Variants in NOB1 observed in about 807,000 individuals in gnomAD.
NOB1 encodes RNA-binding protein NOB1.
In NOB1, 44 loss-of-function variants were observed where a neutral mutation model predicts 44.8. The ratio of observed to expected loss-of-function variants is 0.98; its 90% CI spans 0.77 to 1.26. The LOEUF is 1.26. NOB1 is among the 50% of genes most tolerant of loss of function. The probability of loss-of-function intolerance (pLI) is 0.00; values close to 1 mark genes in which losing one functional copy is unlikely to be tolerated. For synonymous variants in NOB1, 238 were observed against 218.7 expected, an observed-to-expected ratio of 1.09 and a Z score of -0.78; for missense variants, 560 against 544.8, an observed-to-expected ratio of 1.03 and a Z score of -0.28.
intron 7 of NOB1, 141 bp from the exon 8 acceptor site, chr16:69,745,158 C>G: frequency 1.2e-6 from 1 of 836,006 alleles, no homozygotes; most frequent in Non-Finnish European, 1.8e-6. Context: ...AGACGGAGGC[C>G]ACTGAAGCTG....
intron 8 of NOB1, among the ~76,000 whole-genome samples, chr16:69,744,538 C>G (rs546427134): frequency 6.6e-6 from 1 of 152,144 alleles, no homozygotes; most frequent in Non-Finnish European, 1.5e-5. Context: ...CCCTCTCTTC[C>G]GTGCTGTGCT....
chr16:69,752,464 CA>C, intron 2 of NOB1, 93 bp from the exon 3 acceptor site: 1 of 1,263,126 alleles, frequency 7.9e-7, no homozygotes, highest in East Asian at 2.4e-5. Flanking sequence ...TAGAACAGAT[CA>C]AAATAATGGA....
At position 69,754,856 on chromosome 16, in the gene NOB1, C is replaced by G; in HGVS notation, c.55G>C (p.Ala19Pro). Residue 19 changes from alanine to proline, a missense_variant, in exon 1 of 9, where the codon GCT becomes CCT. Ala to Pro is a conservative substitution (Grantham distance 27). Coordinates refer to ENST00000268802, the MANE Select transcript of NOB1 (RefSeq NM_014062.3). ...ADAGAFLRHA[A>P]LQDIGKNIYT... The stretch of plus-strand genomic sequence containing the variant: ...GAGGGAGCTCCCCGTACCTGCAGAG[C>G]CGCATGCCGCAGGAAAGCCCCAGCA... The G allele has an allele frequency of 6.3e-7, 1 of 1,598,808 alleles. No homozygotes were observed. Among genetic ancestry groups the G allele is most frequent in the Non-Finnish European group, 8.5e-7 (1 of 1,173,612 alleles).
At position 69,754,743 on chromosome 16, in the gene NOB1, C is replaced by T; in HGVS notation, c.64-17G>A. The stretch of plus-strand genomic sequence containing the variant: ...CCCGATGTCCTGCGGACAGAACGCC[C>T]CAGCTCAGACCCACCCGCACCAAGC... On this transcript the variant is annotated splice_polypyrimidine_tract_variant and intron_variant, in intron 1 of 8. Transcript: ENST00000268802. 1 of 1,613,930 alleles carries T rather than the reference C, an allele frequency of 6.2e-7. No homozygotes were observed. Among genetic ancestry groups the T allele is most frequent in the Non-Finnish European group, 8.5e-7 (1 of 1,179,966 alleles).
At chr16:69,750,238 C>A (rs895748941) in intron 3 of NOB1, among the ~76,000 whole-genome samples, 15 of 151,892 alleles carry the variant, frequency 9.9e-5, no homozygotes, top group African/African-American at 3.6e-4. Context: ...CTCCCAGCCT[C>A]AAGTGATCTG....
intron 3 of NOB1, among the ~76,000 whole-genome samples, chr16:69,749,994 T>C (rs1006690225): frequency 1.7e-5 from 2 of 117,484 alleles, no homozygotes; most frequent in African/African-American, 3.3e-5. Flanking sequence ...AAAAAAAGGA[T>C]ACCCAATTTT....
At chr16:69,748,205 A>G in intron 7 of NOB1, 27 bp downstream of exon 7, 2 of 1,559,672 alleles carry the variant, frequency 1.3e-6, no homozygotes, top group Non-Finnish European at 1.8e-6. Flanking sequence ...CACAGAGGGC[A>G]CCAGGGCCAG....
At position 69,754,835 on chromosome 16, in the gene NOB1, G is replaced by A. The variant is rs1178676319; in HGVS notation, c.63+13C>T. The A allele has an allele frequency of 1.2e-5, 19 of 1,604,442 alleles. No homozygotes were observed. The highest frequency in any genetic ancestry group is 1.7e-4 in the Middle Eastern group (1 of 6,040). On this transcript the variant is annotated intron_variant, in intron 1 of 8. Transcript: ENST00000268802. ...GCCCAGATCTCTCTCGTCCCGGAGG[G>A]AGCTCCCCGTACCTGCAGAGCCGCA...
At chr16:69,749,704 A>C (rs1187910293) in intron 3 of NOB1, 74 bp from the exon 4 acceptor site, 1 of 1,128,608 alleles carries the variant, frequency 8.9e-7, no homozygotes. Flanking sequence ...TTGGCCGGGC[A>C]CGATGGCTCA....
chr16:69,742,839 C>T (rs2038396483), intron 8 of NOB1, among the ~76,000 whole-genome samples: 1 of 152,116 alleles, frequency 6.6e-6, no homozygotes, highest in African/African-American at 2.4e-5. Context: ...CAGCTAAAGA[C>T]AATACAGAAA....
chr16:69,746,120 G>A (rs553943579), intron 7 of NOB1, among the ~76,000 whole-genome samples: 2 of 152,350 alleles, frequency 1.3e-5, no homozygotes, highest in East Asian at 1.9e-4. Context: ...CTGGCGGGGC[G>A]GGGCCCCAAG....
rs75879308 is a variant in NOB1 at position 69,753,554 on chromosome 16, C to T, written c.196+1040G>A. On this transcript the variant is annotated intron_variant, in intron 2 of 8. Transcript: ENST00000268802. ...GCTTTATGTGTTAATGCATTTCATC[C>T]TTTGCCATTCTTCAAAAGTACTATT... 9.4e-4 allele frequency among the ~76,000 whole-genome samples: 143 copies of T among 152,302 alleles called. 2 individuals carry two copies. In the East Asian group the frequency reaches 0.017, roughly 18 times the overall value.
At chr16:69,747,039 G>A (rs1423132074) in intron 7 of NOB1, among the ~76,000 whole-genome samples, 2 of 149,558 alleles carry the variant, frequency 1.3e-5, no homozygotes, top group African/African-American at 2.5e-5. Context: ...TGGCTAACAC[G>A]GTGAAACCCC....
chr16:69,749,706 G>C (rs560176546), intron 3 of NOB1, 76 bp from the exon 4 acceptor site: 8 of 1,091,536 alleles, frequency 7.3e-6, no homozygotes, highest in African/African-American at 4.8e-5. Flanking sequence ...GGCCGGGCAC[G>C]ATGGCTCATG....
chr16:69,754,491 C>T, intron 2 of NOB1, 103 bp downstream of exon 2: 1 of 1,476,756 alleles, frequency 6.8e-7, no homozygotes. Flanking sequence ...GGCTCTAAAT[C>T]TACTGCTCTG....
intron 6 of NOB1, 81 bp from the exon 7 acceptor site, chr16:69,748,410 C>A: frequency 7.8e-7 from 1 of 1,289,696 alleles, no homozygotes; most frequent in Non-Finnish European, 1.1e-6. Flanking sequence ...CTTCACAAAC[C>A]CTGCCTTGCC....
chr16:69,754,657 G>A lies in NOB1; in HGVS notation c.133C>T (p.Arg45Trp), dbSNP rs755017627. ...TEIRDKATRR[R>W]LAVLPYELRF... ...AGCTCGTAGGGCAGGACAGCGAGCC[G>A]CCTGCGTGTGGCCTTGTCCCGAATC... The change falls in exon 2 of 9, where the codon CGG becomes TGG. Residue 45 changes from arginine to tryptophan, a missense_variant. Coordinates refer to ENST00000268802, the MANE Select transcript of NOB1 (RefSeq NM_014062.3). 24 of 1,614,174 alleles carry A rather than the reference G, an allele frequency of 1.5e-5. 1 individual carries two copies. The South Asian group carries it at 2.1e-4, about 14-fold the overall frequency.
chr16:69,749,505 A>G, intron 4 of NOB1, 54 bp downstream of exon 4: 1 of 1,557,736 alleles, frequency 6.4e-7, no homozygotes, highest in Non-Finnish European at 8.8e-7. Flanking sequence ...ACTTAGAGAG[A>G]TGTGACATGT....
rs369130166 is a variant in NOB1, at chr16:69,749,237, G to C, written c.501C>G (p.Ile167Met). The stretch of plus-strand genomic sequence containing the variant: ...CCAGCAGCTCCTGCAGTTCATGATC[G>C]ATGTTGGGCAAAGGGTTTCTCCAGA... ...FMFWRNPLPN[I>M]DHELQELLID... The change falls in exon 5 of 9, where the codon ATC becomes ATG. Residue 167 changes from isoleucine (I) to methionine (M), a missense_variant. Coordinates refer to ENST00000268802, the MANE Select transcript of NOB1 (RefSeq NM_014062.3). 4.3e-6 allele frequency: 7 copies of C among 1,613,254 alleles called. No individual in the cohort carries two copies. The highest frequency in any genetic ancestry group is 5.9e-6 in the Non-Finnish European group (7 of 1,179,798).
Sources: gnomAD v4.1 joint callset for allele counts (sites outside exome capture counted in the v4.1 genomes callset) on GRCh38, gnomAD v4.1.1 for gene constraint, MANE v1.5 for transcripts, NCBI Gene and HGNC (gene_info 2026-07-23, HGNC 2026-07-21) for gene names.